Variants in EEFSEC observed in about 807,000 individuals in gnomAD.
EEFSEC encodes eukaryotic elongation factor, selenocysteine-tRNA specific.
Under a neutral mutation model 42.1 loss-of-function variants are expected in EEFSEC, and 43 were observed. The ratio of observed to expected loss-of-function variants is 1.02; its 90% CI spans 0.80 to 1.32. EEFSEC has a LOEUF of 1.32. EEFSEC is among the 40% of genes most tolerant of loss of function. EEFSEC has a pLI of 0.00. For missense variants in EEFSEC, 745 were observed against 803.6 expected, an observed-to-expected ratio of 0.93 and a Z score of 0.88; for synonymous variants, 354 against 339.1, an observed-to-expected ratio of 1.04 and a Z score of -0.48.
At chr3:128,302,484 G>A (rs2066779861) in intron 4 of EEFSEC, among the ~76,000 whole-genome samples, 1 of 152,066 alleles carries the variant, frequency 6.6e-6, no homozygotes, top group South Asian at 2.1e-4. Context: ...GTCATAAAGT[G>A]TAAGAAATAA....
chr3:128,183,335 T>C (rs1346371163), intron 1 of EEFSEC, among the ~76,000 whole-genome samples: 2 of 152,206 alleles, frequency 1.3e-5, no homozygotes, highest in African/African-American at 4.8e-5. Flanking sequence ...AAAATGTTAG[T>C]AAACATTTGA....
At chr3:128,387,115 C>G (rs898208303) in intron 6 of EEFSEC, among the ~76,000 whole-genome samples, 26 of 152,184 alleles carry the variant, frequency 1.7e-4, no homozygotes, top group African/African-American at 6.0e-4. Context: ...CTGGCAACAC[C>G]AGCCACCCTC....
intron 2 of EEFSEC, 112 bp downstream of exon 2, chr3:128,247,155 A>G (rs893097606): frequency 3.5e-5 from 38 of 1,096,138 alleles, no homozygotes; most frequent in Admixed American, 6.2e-5. Flanking sequence ...CCGTCCTAGT[A>G]AGTGAGATCT....
Position 128,262,264 on chromosome 3 carries a change from C to T in EEFSEC, c.621+40C>T, listed in dbSNP as rs187895280. 608 of 1,575,230 alleles carry T rather than the reference C, an allele frequency of 3.9e-4. 3 individuals are homozygous for T. In the African/African-American group the frequency reaches 5.4e-3, roughly 14 times the overall value. ...AATCCAGGTTGCCCTTTAGCCCCAG[C>T]GCTGCTCAGGCCAGCCCCTTTGTGT... On this transcript the variant is annotated intron_variant, in intron 3 of 6. Coordinates refer to ENST00000254730, the MANE Select transcript of EEFSEC (RefSeq NM_021937.5).
rs778206278 is a variant in EEFSEC, at chr3:128,264,793, C to T, written c.786+12C>T. The T allele has an allele frequency of 3.7e-6, 6 of 1,610,902 alleles. No homozygotes were observed. Among genetic ancestry groups the T allele is most frequent in the Admixed American group, 1.7e-5 (1 of 59,896 alleles). ...TCCCTGCCCTCAAGGTCAGTCTTAC[C>T]TTGTCTTCCCTTCTGGCCTCCTCGC... On this transcript the variant is annotated intron_variant, in intron 4 of 6. Coordinates refer to ENST00000254730, the MANE Select transcript of EEFSEC (RefSeq NM_021937.5).
At chr3:128,186,987 G>T (rs2065472680) in intron 1 of EEFSEC, among the ~76,000 whole-genome samples, 1 of 152,194 alleles carries the variant, frequency 6.6e-6, no homozygotes. Flanking sequence ...TCTGAGGACA[G>T]TGCTGAGGCT....
intron 6 of EEFSEC, among the ~76,000 whole-genome samples, chr3:128,370,301 G>A (rs2067638918): frequency 6.6e-6 from 1 of 151,896 alleles, no homozygotes; most frequent in South Asian, 2.1e-4. Context: ...GTGGTTGTTA[G>A]GAGGTTCAAT....
chr3:128,164,054 A>G (rs2065220420), intron 1 of EEFSEC, among the ~76,000 whole-genome samples: 1 of 152,052 alleles, frequency 6.6e-6, no homozygotes, highest in Non-Finnish European at 1.5e-5. Context: ...TGTGCTCCTC[A>G]GGCTGCCTCC....
At chr3:128,251,771 G>A (rs1431996401) in intron 2 of EEFSEC, among the ~76,000 whole-genome samples, 1 of 151,718 alleles carries the variant, frequency 6.6e-6, no homozygotes, top group East Asian at 1.9e-4. Flanking sequence ...TGCTTTTTTT[G>A]ACATGCAGAA....
chr3:128,385,050 A>G, intron 6 of EEFSEC, among the ~76,000 whole-genome samples: 1 of 152,208 alleles, frequency 6.6e-6, no homozygotes, highest in East Asian at 1.9e-4. Context: ...CATAGATGTC[A>G]GGCTTCCTGG....
At chr3:128,181,118 C>T (rs1239384557) in intron 1 of EEFSEC, among the ~76,000 whole-genome samples, 1 of 152,156 alleles carries the variant, frequency 6.6e-6, no homozygotes, top group Non-Finnish European at 1.5e-5. Flanking sequence ...TGTCCTTTGG[C>T]AGGTGACGCA....
intron 1 of EEFSEC, among the ~76,000 whole-genome samples, chr3:128,242,549 G>A (rs1424726583): frequency 6.6e-6 from 1 of 151,772 alleles, no homozygotes. Context: ...AAAGTATAAT[G>A]TTAAGTTTCT....
intron 1 of EEFSEC, among the ~76,000 whole-genome samples, chr3:128,160,757 C>T (rs1005732857): frequency 3.9e-5 from 6 of 152,118 alleles, no homozygotes; most frequent in Non-Finnish European, 8.8e-5. Flanking sequence ...TTTAATATAT[C>T]TTAAATTAAA....
intron 3 of EEFSEC, 29 bp downstream of exon 3, chr3:128,262,253 T>G: frequency 6.2e-7 from 1 of 1,604,376 alleles, no homozygotes. Context: ...CAGGTTGCCC[T>G]TTAGCCCCAG....
chr3:128,274,604 C>A (rs1213289591), intron 4 of EEFSEC, among the ~76,000 whole-genome samples: 1 of 152,214 alleles, frequency 6.6e-6, no homozygotes, highest in Admixed American at 6.5e-5. Context: ...CTGTAGCACC[C>A]TACAAGTTGT....
chr3:128,276,000 G>A (rs1305067274), intron 4 of EEFSEC, among the ~76,000 whole-genome samples: 1 of 152,180 alleles, frequency 6.6e-6, no homozygotes, highest in African/African-American at 2.4e-5. Context: ...GCTCCTGGGT[G>A]CCGCTGCTCC....
chr3:128,282,609 G>T (rs1273031820), intron 4 of EEFSEC, among the ~76,000 whole-genome samples: 1 of 152,180 alleles, frequency 6.6e-6, no homozygotes, highest in East Asian at 1.9e-4. Context: ...GCCCTAGAGT[G>T]TACACAGCTT....
chr3:128,160,695 A>G (rs559815751), intron 1 of EEFSEC, among the ~76,000 whole-genome samples: 1 of 152,322 alleles, frequency 6.6e-6, no homozygotes, highest in Admixed American at 6.5e-5. Flanking sequence ...TGTTATTCCC[A>G]GGAGAAGGAA....
At chr3:128,262,030 C>A in intron 2 of EEFSEC, 98 bp from the exon 3 acceptor site, 2 of 1,073,698 alleles carry the variant, frequency 1.9e-6, no homozygotes, top group Non-Finnish European at 2.8e-6. Flanking sequence ...GAAGAGGATG[C>A]TCACTGCACT....
Sources: gnomAD v4.1 joint callset for allele counts (sites outside exome capture counted in the v4.1 genomes callset) on GRCh38, gnomAD v4.1.1 for gene constraint, MANE v1.5 for transcripts, NCBI Gene and HGNC (gene_info 2026-07-23, HGNC 2026-07-21) for gene names.